The following KCNIP4 variants were observed in gnomAD, a reference collection of about 807,000 sequenced individuals.
KCNIP4 encodes Kv channel-interacting protein 4.
Under a neutral mutation model 34.0 loss-of-function variants are expected in KCNIP4, and 12 were observed. That is an observed-to-expected ratio of 0.35 (90% confidence interval 0.23 to 0.57). The LOEUF (loss-of-function observed/expected upper bound fraction) is 0.57. KCNIP4 is among the 20% of genes least tolerant of loss of function. The probability of loss-of-function intolerance (pLI) is 0.83; values close to 1 mark genes in which losing one functional copy is unlikely to be tolerated. For missense variants in KCNIP4, 238 were observed against 311.7 expected (o/e 0.76, Z 1.78); for synonymous variants, 124 against 102.2 (o/e 1.21, Z -1.29).
chr4:21,348,174 T>C lies in KCNIP4; in HGVS notation c.62-465465A>G, dbSNP rs537374196. Among the ~76,000 whole-genome samples, 385 of 152,288 alleles carry C rather than the reference T, an allele frequency of 2.5e-3. 1 individual carries two copies. Among genetic ancestry groups the C allele is most frequent in the African/African-American group, 8.9e-3 (371 of 41,576 alleles). On this transcript the variant is annotated intron_variant, in intron 1 of 8. Transcript: ENST00000382152. ...AGCTTGACTGGTATATCGATTTTTT[T>C]CCCTCTTGACTAGGACCATATGTGC...
At chr4:20,730,466 ATT>A (rs1470466595) in intron 8 of KCNIP4, among the ~76,000 whole-genome samples, 1 of 152,194 alleles carries the variant, frequency 6.6e-6, no homozygotes, top group Non-Finnish European at 1.5e-5. Flanking sequence ...GCAAATGAGA[ATT>A]TTGGCATTCT....
chr4:20,924,216 A>G lies in KCNIP4; in HGVS notation c.62-41507T>C, dbSNP rs116493595. Among the ~76,000 whole-genome samples, 513 of 152,298 alleles carry G rather than the reference A, an allele frequency of 3.4e-3. 1 individual carries two copies. Among genetic ancestry groups the G allele is most frequent in the Non-Finnish European group, 6.0e-3 (410 of 68,026 alleles). ...TACTTTGATCTGATTGAGAGCATGA[A>G]ACAGTCCATATTAGGTTTTATTATT... On this transcript the variant is annotated intron_variant, in intron 1 of 8. Transcript: ENST00000382152.
intron 1 of KCNIP4, among the ~76,000 whole-genome samples, chr4:21,272,845 T>G (rs1762232959): frequency 6.6e-6 from 1 of 152,204 alleles, no homozygotes; most frequent in Non-Finnish European, 1.5e-5. Flanking sequence ...ATTCTAAGGT[T>G]CTCTGATTTT....
chr4:21,435,808 T>C (rs1726892705), intron 1 of KCNIP4, among the ~76,000 whole-genome samples: 1 of 152,182 alleles, frequency 6.6e-6, no homozygotes, highest in Non-Finnish European at 1.5e-5. Context: ...CACCTTGTTA[T>C]CAACGACTTC....
At chr4:21,072,644 G>A (rs1745073954) in intron 1 of KCNIP4, among the ~76,000 whole-genome samples, 1 of 152,042 alleles carries the variant, frequency 6.6e-6, no homozygotes, top group African/African-American at 2.4e-5. Context: ...AAGTTCTTTA[G>A]TTTAATTAGA....
chr4:21,338,034 G>A (rs1716352340), intron 1 of KCNIP4, among the ~76,000 whole-genome samples: 2 of 152,122 alleles, frequency 1.3e-5, no homozygotes, highest in South Asian at 4.2e-4. Flanking sequence ...TTCTGGATAT[G>A]TAGCTTTTGT....
At chr4:20,970,269 G>A (rs974804192) in intron 1 of KCNIP4, among the ~76,000 whole-genome samples, 10 of 151,940 alleles carry the variant, frequency 6.6e-5, no homozygotes, top group African/African-American at 2.2e-4. Context: ...GGTGGGACTG[G>A]GGGTATTTTC....
At chr4:21,091,144 A>G (rs1746960480) in intron 1 of KCNIP4, among the ~76,000 whole-genome samples, 1 of 152,172 alleles carries the variant, frequency 6.6e-6, no homozygotes. Flanking sequence ...TCATTCTCAT[A>G]AAAATATATA....
intron 5 of KCNIP4, among the ~76,000 whole-genome samples, chr4:20,749,377 A>T (rs1447751351): frequency 6.6e-6 from 1 of 152,180 alleles, no homozygotes; most frequent in African/African-American, 2.4e-5. Context: ...AGGAGGTGTC[A>T]GTAACTGTTA....
At chr4:20,814,339 A>T (rs1254958507) in intron 3 of KCNIP4, among the ~76,000 whole-genome samples, 1 of 152,120 alleles carries the variant, frequency 6.6e-6, no homozygotes, top group Non-Finnish European at 1.5e-5. Context: ...TTTCCTTGTC[A>T]TCCCTTCATG....
chr4:21,837,542 A>AAG (rs1004319988), intron 1 of KCNIP4, among the ~76,000 whole-genome samples: 3 of 149,600 alleles, frequency 2.0e-5, no homozygotes, highest in South Asian at 2.1e-4. Context: ...CAAAAAAAAA[A>AAG]AAAAAGAAAA....
chr4:21,606,247 C>A (rs932110690), intron 1 of KCNIP4, among the ~76,000 whole-genome samples: 1 of 152,090 alleles, frequency 6.6e-6, no homozygotes, highest in African/African-American at 2.4e-5. Flanking sequence ...GTGGTGGTGG[C>A]TGGTAGGATA....
intron 1 of KCNIP4, among the ~76,000 whole-genome samples, chr4:21,921,295 A>C (rs1728927331): frequency 6.6e-6 from 1 of 151,896 alleles, no homozygotes; most frequent in African/African-American, 2.4e-5. Flanking sequence ...TCCTTGCTCT[A>C]TCTCTAAATG....
chr4:21,010,858 T>C (rs1426853192), intron 1 of KCNIP4, among the ~76,000 whole-genome samples: 3 of 152,188 alleles, frequency 2.0e-5, no homozygotes, highest in Admixed American at 6.5e-5. Flanking sequence ...GATTTTTATT[T>C]GAAAATAACA....
In KCNIP4 at chr4:20,809,281, A is replaced by G. The variant is rs576438758; in HGVS notation, c.288+41262T>C. ...GAAATGCAAGAACTGGAAATTACATATGTGACCTTGTGCCATTCAGCCTGT... is the reference window on the plus strand; with the variant it reads ...GAAATGCAAGAACTGGAAATTACATGTGTGACCTTGTGCCATTCAGCCTGT... On this transcript the variant is annotated intron_variant, in intron 3 of 8. Coordinates refer to ENST00000382152, the MANE Select transcript of KCNIP4 (RefSeq NM_025221.6). Among the ~76,000 whole-genome samples the G allele has an allele frequency of 1.1e-4, 17 of 152,326 alleles. No homozygotes were observed. In the South Asian group the frequency reaches 1.2e-3, roughly 11 times the overall value.
intron 1 of KCNIP4, among the ~76,000 whole-genome samples, chr4:21,378,797 AT>A (rs1316779177): frequency 6.6e-6 from 1 of 152,110 alleles, no homozygotes; most frequent in African/African-American, 2.4e-5. Context: ...ATACTTTTCT[AT>A]TTTTGTTTAA....
rs1560481020 is a variant in KCNIP4 at position 21,519,732 on chromosome 4, A to ATGTATGTGTATATATACACACGTGTGTG, written c.61+428838_61+428839insCACACACGTGTGTATATATACACATACA. The stretch of plus-strand genomic sequence containing the variant: ...TATGTGTATATATACACACGTGTGT[A>ATGTATGTGTATATATACACACGTGTGTG]TATGTATGATACACACGTGTGTGTA... On this transcript the variant is annotated intron_variant, in intron 1 of 8. Coordinates refer to ENST00000382152, the MANE Select transcript of KCNIP4 (RefSeq NM_025221.6). Among the ~76,000 whole-genome samples the ATGTATGTGTATATATACACACGTGTGTG allele has an allele frequency of 3.8e-4, 43 of 113,434 alleles. 3 individuals carry two copies. The East Asian group carries it at 4.1e-3, about 11-fold the overall frequency. The allele number at this position is 113,434 out of a possible 152,430, so 74.4% of individuals were successfully genotyped here.
chr4:21,030,677 TATC>T (rs895248301), intron 1 of KCNIP4, among the ~76,000 whole-genome samples: 1 of 152,178 alleles, frequency 6.6e-6, no homozygotes, highest in South Asian at 2.1e-4. Flanking sequence ...ATGTTGCTTT[TATC>T]ATCATCATCA....
At chr4:21,774,932 G>A (rs1719070042) in intron 1 of KCNIP4, among the ~76,000 whole-genome samples, 1 of 152,110 alleles carries the variant, frequency 6.6e-6, no homozygotes, top group Non-Finnish European at 1.5e-5. Context: ...CCCATCTTCT[G>A]AAGCCTACTT....
Sources: allele counts gnomAD v4.1 joint callset (sites outside exome capture counted in the v4.1 genomes callset), GRCh38; gene constraint gnomAD v4.1.1; transcripts MANE v1.5; gene names NCBI Gene and HGNC (gene_info 2026-07-23, HGNC 2026-07-21).